The following TTLL4 variants were observed in gnomAD, a reference collection of about 807,000 sequenced individuals.
TTLL4 encodes the protein tubulin tyrosine ligase like 4.
TTLL4 carries 85 observed loss-of-function variants against 122.7 expected under a neutral mutation model. The observed-to-expected ratio is 0.69, with a 90% CI of 0.58 to 0.83. The LOEUF (loss-of-function observed/expected upper bound fraction) is 0.83. Among genes scored for constraint, TTLL4 ranks in the 40% least tolerant of loss-of-function variants. TTLL4 has a pLI of 0.00. For missense variants in TTLL4, 1,363 were observed against 1,488.6 expected, an observed-to-expected ratio of 0.92 and a Z score of 1.39; for synonymous variants, 553 against 563.0, an observed-to-expected ratio of 0.98 and a Z score of 0.25.
chr2:218,738,032 G>A lies in TTLL4; in HGVS notation c.356G>A (p.Arg119His), dbSNP rs773652562. 1.7e-5 allele frequency: 27 copies of A among 1,613,956 alleles called. No individual in the cohort carries two copies. The highest frequency in any genetic ancestry group is 1.6e-4 in the Middle Eastern group (1 of 6,084). The change falls in exon 3 of 20, where the codon CGC becomes CAC. Residue 119 changes from arginine to histidine, a missense_variant. By Grantham distance (29) the Arg-to-His change is conservative. Transcript: ENST00000392102. ...TTGTTCAACAGCACCCTGCTATACC[G>A]CCGCTCCAGCTATAGGCAAAAACCG... Reference protein sequence around the residue: ...PDLFNSTLLYRRSSYRQKPYQ... With the variant: ...PDLFNSTLLYHRSSYRQKPYQ...
At chr2:218,746,354 G>A in intron 8 of TTLL4, 123 bp downstream of exon 8, 2 of 1,037,170 alleles carry the variant, frequency 1.9e-6, no homozygotes, top group South Asian at 1.3e-5. Context: ...TCAGGAAGGT[G>A]TACAGAGGAG....
At chr2:218,732,833 A>G (rs908013566) in intron 2 of TTLL4, among the ~76,000 whole-genome samples, 1 of 152,190 alleles carries the variant, frequency 6.6e-6, no homozygotes, top group African/African-American at 2.4e-5. Flanking sequence ...CTCATCAGGA[A>G]TCTCTATAAG....
At chr2:218,716,252 A>G (rs976934708) in intron 1 of TTLL4, among the ~76,000 whole-genome samples, 7 of 152,206 alleles carry the variant, frequency 4.6e-5, no homozygotes, top group African/African-American at 7.2e-5. Context: ...ACTTTGTTTC[A>G]TTTTCCAGAA....
Position 218,752,837 on chromosome 2 carries a change from T to C in TTLL4, c.3051T>C (p.Phe1017=). 1 of 1,614,198 alleles carries C rather than the reference T, an allele frequency of 6.2e-7. No individual in the cohort carries two copies. Among genetic ancestry groups the C allele is most frequent in the Non-Finnish European group, 8.5e-7 (1 of 1,180,022 alleles). The change falls in exon 17 of 20, where the codon TTT becomes TTC. Residue 1017 remains phenylalanine (F), a synonymous_variant. Transcript: ENST00000392102. ...VRILVEMEDE[F]SRRGQFERIF... is the part of the protein sequence containing the mutation. ...TTCTGGTTGAGATGGAAGATGAGTT[T>C]TCTCGCCGTGGTCAGTTTGAACGAA...
chr2:218,729,747 T>TAAAAA lies in TTLL4; in HGVS notation c.-99+2400_-99+2401insAAAAA, dbSNP rs1559361797. 1.2e-3 allele frequency among the ~76,000 whole-genome samples: 110 copies of TAAAAA among 93,598 alleles called. No individual in the cohort carries two copies. The Middle Eastern group carries it at 0.015, about 13-fold the overall frequency. The allele number at this position is 93,598 out of a possible 152,430, so 61.4% of individuals were successfully genotyped here. A position where few individuals can be genotyped will look rare whatever the true frequency, so the allele number is the denominator to read the frequency against. On this transcript the variant is annotated intron_variant, in intron 2 of 19. Transcript: ENST00000392102. ...TTAGGATTTTCTTTTCTCTCTCTTTTTAAAAAAAAAAAAAACAAAAAAAAA... is the reference window on the plus strand; with the variant it reads ...TTAGGATTTTCTTTTCTCTCTCTTTTAAAAATAAAAAAAAAAAAAACAAAAAAAAA...
At chr2:218,743,778 C>T (rs1007072513) in intron 5 of TTLL4, among the ~76,000 whole-genome samples, 1 of 152,132 alleles carries the variant, frequency 6.6e-6, no homozygotes, top group African/African-American at 2.4e-5. Context: ...CTCCTGGGTT[C>T]AAGCAATTCT....
chr2:218,745,571 A>G (rs886963280), intron 6 of TTLL4, 120 bp from the exon 7 acceptor site: 1 of 716,602 alleles, frequency 1.4e-6, no homozygotes, highest in East Asian at 2.7e-5. Flanking sequence ...ATCTGGAGCA[A>G]TAGTTAGTGA....
At chr2:218,748,349 C>A (rs894097682) in intron 12 of TTLL4, 122 bp downstream of exon 12, 31 of 1,426,378 alleles carry the variant, frequency 2.2e-5, no homozygotes, top group Middle Eastern at 2.5e-4. Context: ...ATAACACTTA[C>A]CAATTCAGAA....
At chr2:218,729,748 TA>T (rs771622464) in intron 2 of TTLL4, among the ~76,000 whole-genome samples, 71 of 78,710 alleles carry the variant, frequency 9.0e-4, no homozygotes, top group African/African-American at 2.4e-3. Flanking sequence ...TCTCTCTTTT[TA>T]AAAAAAAAAA....
chr2:218,756,949 G>A (rs768698741), downstream of TTLL4, among the ~76,000 whole-genome samples: 2 of 152,184 alleles, frequency 1.3e-5, no homozygotes, highest in Non-Finnish European at 2.9e-5. Flanking sequence ...TGTCAGGAAA[G>A]GATCGGGAAC....
At chr2:218,719,813 G>A (rs1475996789) in intron 1 of TTLL4, among the ~76,000 whole-genome samples, 1 of 152,216 alleles carries the variant, frequency 6.6e-6, no homozygotes, top group African/African-American at 2.4e-5. Flanking sequence ...GGATTGACCT[G>A]ATGAAGCAAT....
intron 1 of TTLL4, among the ~76,000 whole-genome samples, chr2:218,724,344 A>G (rs535722225): frequency 8.5e-5 from 13 of 152,318 alleles, no homozygotes; most frequent in Admixed American, 5.2e-4. Flanking sequence ...TTGAAATTAT[A>G]CTGGTAGAAA....
intron 19 of TTLL4, 67 bp downstream of exon 19, chr2:218,753,736 C>A: frequency 6.5e-7 from 1 of 1,538,700 alleles, no homozygotes; most frequent in Non-Finnish European, 9.0e-7. Flanking sequence ...TCCTTCCCCT[C>A]TTCCCAGACT....
chr2:218,739,083 C>G lies in TTLL4; in HGVS notation c.1407C>G (p.Leu469=). The change falls in exon 3 of 20, where the codon CTC becomes CTG. Residue 469 remains leucine (L), a synonymous_variant. Coordinates refer to ENST00000392102, the MANE Select transcript of TTLL4 (RefSeq NM_014640.5). The part of the protein sequence containing the change: ...TLGIANVATR[L]SSIQLGQSEK... ...GCATAGCCAACGTGGCCACCCGCCT[C>G]TCTTCCATCCAGCTGGGCCAGTCTG... 6.2e-7 allele frequency: 1 copy of G among 1,614,182 alleles called. No individual in the cohort carries two copies. Among genetic ancestry groups the G allele is most frequent in the South Asian group, 1.1e-5 (1 of 91,090 alleles).
intron 2 of TTLL4, among the ~76,000 whole-genome samples, chr2:218,733,831 G>T (rs961250350): frequency 6.6e-6 from 1 of 152,240 alleles, no homozygotes; most frequent in East Asian, 1.9e-4. Flanking sequence ...GAGGGTTCAT[G>T]TGGTGGGATG....
At chr2:218,748,630 G>C in intron 12 of TTLL4, 1 of 470,706 alleles carries the variant, frequency 2.1e-6, no homozygotes, top group East Asian at 3.6e-5. Flanking sequence ...ACTCCAGCCT[G>C]TGTGAAAGAG....
intron 16 of TTLL4, 74 bp downstream of exon 16, chr2:218,751,880 AGC>A: frequency 1.3e-6 from 1 of 761,478 alleles, no homozygotes; most frequent in Non-Finnish European, 2.0e-6. Flanking sequence ...AAAAGCAAAC[AGC>A]TTTTCTTTTT....
At chr2:218,758,793 T>C (rs1943193565), downstream of TTLL4, among the ~76,000 whole-genome samples, 1 of 152,230 alleles carries the variant, frequency 6.6e-6, no homozygotes, top group South Asian at 2.1e-4. Flanking sequence ...AAGTGAAACA[T>C]GTCCTTAACG....
At chr2:218,719,729 T>C (rs1177422640) in intron 1 of TTLL4, among the ~76,000 whole-genome samples, 1 of 152,240 alleles carries the variant, frequency 6.6e-6, no homozygotes, top group Non-Finnish European at 1.5e-5. Flanking sequence ...CTCAGGACTT[T>C]GCATCTCAGG....
Sources: allele counts gnomAD v4.1 joint callset (sites outside exome capture counted in the v4.1 genomes callset), GRCh38; gene constraint gnomAD v4.1.1; transcripts MANE v1.5; gene names NCBI Gene and HGNC (gene_info 2026-07-23, HGNC 2026-07-21).